Variants in GARIN1A observed in about 807,000 individuals in gnomAD.
GARIN1A encodes the protein Golgi-associated RAB2 interactor protein 1A.
chr7:128,689,410 G>A, the GARIN1A span, among the ~76,000 whole-genome samples: 32 of 151,666 alleles, frequency 2.1e-4, no homozygotes, highest in African/African-American at 7.0e-4. Context: ...CCTCTGCCCC[G>A]TCTGGGATGT....
At chr7:128,706,621 G>A in the GARIN1A span, among the ~76,000 whole-genome samples, 1 of 152,118 alleles carries the variant, frequency 6.6e-6, no homozygotes, top group Non-Finnish European at 1.5e-5. Context: ...CCCACAGTGA[G>A]AAACCTGGCT....
chr7:128,699,807 G>A, the GARIN1A span, among the ~76,000 whole-genome samples: 48 of 152,256 alleles, frequency 3.2e-4, no homozygotes, highest in African/African-American at 1.1e-3. Context: ...ATTACAGAAA[G>A]GCATTAAAAT....
At chr7:128,676,011 TTTAG>T in the GARIN1A span, among the ~76,000 whole-genome samples, 19 of 141,106 alleles carry the variant, frequency 1.3e-4, no homozygotes, top group Admixed American at 1.2e-3. Context: ...CAACGATTTA[TTTAG>T]TATCTTTTTT....
At chr7:128,700,645 T>A in the GARIN1A span, among the ~76,000 whole-genome samples, 1 of 152,194 alleles carries the variant, frequency 6.6e-6, no homozygotes, top group South Asian at 2.1e-4. Context: ...TATTTAGATG[T>A]TAAAATCAAT....
chr7:128,694,683 A>G, the GARIN1A span, among the ~76,000 whole-genome samples: 3 of 152,194 alleles, frequency 2.0e-5, no homozygotes, highest in Non-Finnish European at 4.4e-5. Flanking sequence ...TGAGCATAAG[A>G]ATTCAGTCCA....
At chr7:128,706,033 C>G in the GARIN1A span, among the ~76,000 whole-genome samples, 1 of 152,066 alleles carries the variant, frequency 6.6e-6, no homozygotes, top group Non-Finnish European at 1.5e-5. Flanking sequence ...GTTCCTCTCT[C>G]TCTCCCTCTC....
the GARIN1A span, among the ~76,000 whole-genome samples, chr7:128,682,714 A>C: frequency 5.7e-3 from 863 of 152,162 alleles, 12 homozygotes; most frequent in African/African-American, 0.02. Context: ...AGTAGCTGGA[A>C]TTACAGGCGT....
chr7:128,678,029 T>C, the GARIN1A span: 1 of 379,844 alleles, frequency 2.6e-6, no homozygotes, highest in Non-Finnish European at 4.6e-6. Flanking sequence ...TTTTTTTTTT[T>C]TTTTTTTTTG....
chr7:128,703,973 T>C, the GARIN1A span, among the ~76,000 whole-genome samples: 1 of 152,102 alleles, frequency 6.6e-6, no homozygotes, highest in African/African-American at 2.4e-5. Context: ...TGAGTTTCAC[T>C]GTATGCAAAG....
At chr7:128,689,441 C>G in the GARIN1A span, among the ~76,000 whole-genome samples, 1 of 150,916 alleles carries the variant, frequency 6.6e-6, no homozygotes, top group African/African-American at 2.4e-5. Flanking sequence ...TCTGCCCGGC[C>G]GTGACCCCGA....
the GARIN1A span, among the ~76,000 whole-genome samples, chr7:128,680,441 C>T: frequency 6.6e-6 from 1 of 152,206 alleles, no homozygotes; most frequent in Non-Finnish European, 1.5e-5. Context: ...AAAGCAGGCT[C>T]ATGGTGGAGT....
At chr7:128,674,936 T>TA in the GARIN1A span, among the ~76,000 whole-genome samples, 3 of 152,128 alleles carry the variant, frequency 2.0e-5, no homozygotes, top group East Asian at 3.9e-4. Context: ...CTCTATTTTC[T>TA]AAAAAAAGTG....
chr7:128,688,137 G>C, the GARIN1A span, among the ~76,000 whole-genome samples: 9 of 151,832 alleles, frequency 5.9e-5, no homozygotes, highest in Non-Finnish European at 1.5e-5. Flanking sequence ...TTAGCCTCCC[G>C]AGTAGCTGGG....
chr7:128,676,501 C>G, the GARIN1A span, among the ~76,000 whole-genome samples: 1 of 151,686 alleles, frequency 6.6e-6, no homozygotes, highest in Non-Finnish European at 1.5e-5. Flanking sequence ...CTTTTAAAAT[C>G]TTTTTGTAAA....
the GARIN1A span, among the ~76,000 whole-genome samples, chr7:128,675,035 G>A: frequency 6.6e-6 from 1 of 152,132 alleles, no homozygotes; most frequent in Non-Finnish European, 1.5e-5. Flanking sequence ...GCTCCTAAGT[G>A]GCCACAGCTC....
the GARIN1A span, chr7:128,687,206 A>G: frequency 6.6e-6 from 1 of 152,204 alleles, no homozygotes; most frequent in Admixed American, 6.5e-5. Flanking sequence ...TAGCATTTTT[A>G]TAGCATTTCT....
chr7:128,698,897 A>G, the GARIN1A span, among the ~76,000 whole-genome samples: 1 of 152,092 alleles, frequency 6.6e-6, no homozygotes, highest in African/African-American at 2.4e-5. Context: ...AATGCCCCTC[A>G]TTATATAGCC....
chr7:128,702,423 C>T, the GARIN1A span, among the ~76,000 whole-genome samples: 1 of 152,144 alleles, frequency 6.6e-6, no homozygotes, highest in African/African-American at 2.4e-5. Flanking sequence ...CCTTACACTA[C>T]ACACAAAGCA....
chr7:128,698,239 C>G, the GARIN1A span, among the ~76,000 whole-genome samples: 5 of 152,166 alleles, frequency 3.3e-5, no homozygotes, highest in African/African-American at 9.7e-5. Context: ...CCCAGTGCTT[C>G]TCTGTTGACT....
Sources: allele counts gnomAD v4.1 joint callset (sites outside exome capture counted in the v4.1 genomes callset), GRCh38; gene constraint gnomAD v4.1.1; transcripts MANE v1.5; gene names NCBI Gene and HGNC (gene_info 2026-07-23, HGNC 2026-07-21).